Variants in KCNIP1 observed in about 807,000 individuals in gnomAD.
KCNIP1 encodes the protein potassium voltage-gated channel interacting protein 1.
Under a neutral mutation model 33.0 loss-of-function variants are expected in KCNIP1, and 18 were observed. The observed-to-expected ratio is 0.55, with a 90% CI of 0.38 to 0.81. The LOEUF (loss-of-function observed/expected upper bound fraction) is 0.81, where lower values mean the gene tolerates loss of function less well. Ranked by LOEUF, KCNIP1 falls within the 30% of genes least tolerant of loss-of-function variation. The probability of loss-of-function intolerance (pLI) is 0.00; values close to 1 mark genes in which losing one functional copy is unlikely to be tolerated. For missense variants in KCNIP1, 238 were observed against 271.6 expected (o/e 0.88, Z 0.87); for synonymous variants, 93 against 98.3 (o/e 0.95, Z 0.32).
intron 1 of KCNIP1, among the ~76,000 whole-genome samples, chr5:170,505,301 C>T (rs530733000): frequency 7.2e-5 from 11 of 152,266 alleles, no homozygotes; most frequent in Non-Finnish European, 1.0e-4. Context: ...TGTCCCCAGC[C>T]GAGGCATGGC....
At chr5:170,711,544 A>G (rs1763443355) in intron 1 of KCNIP1, among the ~76,000 whole-genome samples, 1 of 152,222 alleles carries the variant, frequency 6.6e-6, no homozygotes, top group Non-Finnish European at 1.5e-5. Context: ...CATGAACTCT[A>G]ATGTAAACTA....
At chr5:170,600,624 G>T (rs1390548975) in intron 1 of KCNIP1, among the ~76,000 whole-genome samples, 1 of 152,152 alleles carries the variant, frequency 6.6e-6, no homozygotes. Flanking sequence ...TGACTGCCTT[G>T]TCATCTTCTC....
At chr5:170,522,421 G>A (rs1755397700) in intron 1 of KCNIP1, among the ~76,000 whole-genome samples, 1 of 152,212 alleles carries the variant, frequency 6.6e-6, no homozygotes, top group South Asian at 2.1e-4. Context: ...GAGAGACAAT[G>A]CCAGGCATGA....
chr5:170,442,260 A>G lies in KCNIP1; in HGVS notation c.88+88296A>G, dbSNP rs535550587. On this transcript the variant is annotated intron_variant, in intron 1 of 7. Coordinates refer to the KCNIP1 transcript ENST00000377360. Reference sequence around the variant, plus strand: ...GCAGAGGCCTTTCAGAGATCAGAGAAAAGGCCACATAGCTGGGAGCCTTTG... The same window carrying G: ...GCAGAGGCCTTTCAGAGATCAGAGAGAAGGCCACATAGCTGGGAGCCTTTG... Among the ~76,000 whole-genome samples the G allele has an allele frequency of 2.0e-5, 3 of 152,318 alleles. No individual in the cohort carries two copies. In the South Asian group the frequency reaches 6.2e-4, roughly 32 times the overall value.
At chr5:170,616,006 C>T (rs1443752093) in intron 1 of KCNIP1, among the ~76,000 whole-genome samples, 1 of 152,132 alleles carries the variant, frequency 6.6e-6, no homozygotes, top group Admixed American at 6.5e-5. Context: ...GGAACAAGAC[C>T]ACTTTCACAG....
intron 1 of KCNIP1, among the ~76,000 whole-genome samples, chr5:170,622,622 CA>C (rs371896008): frequency 2.1e-3 from 222 of 103,704 alleles, no homozygotes; most frequent in Middle Eastern, 5.4e-3. Context: ...GACTCTGTCT[CA>C]AAAAAAAAAA....
intron 1 of KCNIP1, among the ~76,000 whole-genome samples, chr5:170,550,663 A>AT (rs1756590640): frequency 6.6e-6 from 1 of 151,846 alleles, no homozygotes; most frequent in African/African-American, 2.4e-5. Flanking sequence ...AGTGATGATG[A>AT]CAATGACAAT....
At chr5:170,356,721 C>T (rs1193260132) in intron 1 of KCNIP1, among the ~76,000 whole-genome samples, 2 of 152,214 alleles carry the variant, frequency 1.3e-5, no homozygotes, top group African/African-American at 4.8e-5. Flanking sequence ...GAGCTACTAG[C>T]ATGGGGCCCA....
At position 170,693,437 on chromosome 5, in the gene KCNIP1, C is replaced by A. The variant is rs186425369; in HGVS notation, c.62-25321C>A. ...GCCATGCTCTGGGTACCCATCTAAT[C>A]CTCGTGAAGACCCTGAGAAGTGAGT... On this transcript the variant is annotated intron_variant, in intron 1 of 7. Coordinates refer to ENST00000328939, the MANE Select transcript of KCNIP1 (RefSeq NM_014592.4). 3.0e-3 allele frequency among the ~76,000 whole-genome samples: 463 copies of A among 152,314 alleles called. 2 individuals are homozygous for A. The highest frequency in any genetic ancestry group is 0.01 in the African/African-American group (429 of 41,570).
chr5:170,496,965 AG>A (rs1235398834), intron 1 of KCNIP1, among the ~76,000 whole-genome samples: 5 of 152,004 alleles, frequency 3.3e-5, no homozygotes, highest in Non-Finnish European at 7.4e-5. Context: ...CCGAGTATCT[AG>A]GACTTTGGTG....
At chr5:170,412,362 T>A (rs1360436137) in intron 1 of KCNIP1, among the ~76,000 whole-genome samples, 1 of 152,170 alleles carries the variant, frequency 6.6e-6, no homozygotes, top group East Asian at 1.9e-4. Flanking sequence ...GAGTCCAACA[T>A]GTTAGCTTTT....
chr5:170,539,662 C>T (rs528738369), intron 1 of KCNIP1, among the ~76,000 whole-genome samples: 2 of 152,266 alleles, frequency 1.3e-5, no homozygotes, highest in African/African-American at 4.8e-5. Flanking sequence ...ATCCATTGTC[C>T]TCGCTAGACT....
intron 1 of KCNIP1, among the ~76,000 whole-genome samples, chr5:170,698,595 T>G (rs1270774098): frequency 1.3e-5 from 2 of 152,112 alleles, no homozygotes; most frequent in Non-Finnish European, 2.9e-5. Context: ...GCTGCCATTC[T>G]GATCACTGCA....
chr5:170,587,282 G>A (rs989120016), intron 1 of KCNIP1, among the ~76,000 whole-genome samples: 17 of 67,288 alleles, frequency 2.5e-4, no homozygotes, highest in African/African-American at 6.5e-4. Flanking sequence ...TTAGCCGGGT[G>A]TGACTGCAGG....
intron 1 of KCNIP1, among the ~76,000 whole-genome samples, chr5:170,598,904 C>CGCGTGTGTGT (rs1412098474): frequency 1.3e-4 from 18 of 133,868 alleles, no homozygotes; most frequent in African/African-American, 4.6e-4. Flanking sequence ...TGTGTGTGCG[C>CGCGTGTGTGT]GTGTGTGTGT....
chr5:170,384,405 G>T (rs950910), intron 1 of KCNIP1, among the ~76,000 whole-genome samples: 56,486 of 152,118 alleles, frequency 0.37, 10,619 homozygotes, highest in Admixed American at 0.41. Flanking sequence ...AGGGGTTTGA[G>T]TTGAGCCAGG....
intron 1 of KCNIP1, among the ~76,000 whole-genome samples, chr5:170,407,892 A>G (rs1755078156): frequency 6.6e-6 from 1 of 151,168 alleles, no homozygotes; most frequent in East Asian, 1.9e-4. Context: ...TGACCTTCAA[A>G]CTATGGTGGC....
At chr5:170,437,566 T>C (rs1393300487) in intron 1 of KCNIP1, among the ~76,000 whole-genome samples, 2 of 152,198 alleles carry the variant, frequency 1.3e-5, no homozygotes, top group East Asian at 1.9e-4. Flanking sequence ...ACCAGGGCTG[T>C]TGGGCCAGTG....
chr5:170,451,723 T>TTGTGTGTGTGTG (rs67542248), intron 1 of KCNIP1, among the ~76,000 whole-genome samples: 5,183 of 122,794 alleles, frequency 0.042, 223 homozygotes, highest in African/African-American at 0.063. Context: ...TTCTCCTGCA[T>TTGTGTGTGTGTG]TGTGTGTGTG....
Sources: allele counts gnomAD v4.1 joint callset (sites outside exome capture counted in the v4.1 genomes callset), GRCh38; gene constraint gnomAD v4.1.1; transcripts MANE v1.5; gene names NCBI Gene and HGNC (gene_info 2026-07-23, HGNC 2026-07-21).